Variants in MACROD2 observed in about 807,000 individuals in gnomAD.
MACROD2 encodes ADP-ribose glycohydrolase MACROD2.
A neutral mutation model predicts 70.4 loss-of-function variants in MACROD2; 36 were observed. The observed-to-expected ratio is 0.51, with a 90% confidence interval of 0.39 to 0.68. MACROD2 has a LOEUF of 0.68. Ranked by LOEUF, MACROD2 falls within the 30% of genes least tolerant of loss-of-function variation. The probability of loss-of-function intolerance (pLI) is 0.00; values close to 1 mark genes in which losing one functional copy is unlikely to be tolerated. For synonymous variants in MACROD2, 172 were observed against 178.8 expected (o/e 0.96, Z 0.30); for missense variants, 496 against 538.4 (o/e 0.92, Z 0.78).
At chr20:14,136,561 C>T (rs899906698) in intron 3 of MACROD2, among the ~76,000 whole-genome samples, 1 of 152,144 alleles carries the variant, frequency 6.6e-6, no homozygotes, top group African/African-American at 2.4e-5. Flanking sequence ...GGACCAGCAG[C>T]ATTAGCACCA....
chr20:14,613,250 A>G (rs1983280762), intron 4 of MACROD2, among the ~76,000 whole-genome samples: 1 of 152,156 alleles, frequency 6.6e-6, no homozygotes, highest in Admixed American at 6.5e-5. Context: ...AGAAATACAC[A>G]TATACAGTCA....
intron 15 of MACROD2, among the ~76,000 whole-genome samples, chr20:16,017,149 G>A (rs2066940623): frequency 6.6e-6 from 1 of 152,074 alleles, no homozygotes; most frequent in Non-Finnish European, 1.5e-5. Context: ...GTTTCTTTTT[G>A]TTTTCTGATA....
chr20:15,725,299 C>T (rs2050845035), intron 8 of MACROD2, among the ~76,000 whole-genome samples: 1 of 151,952 alleles, frequency 6.6e-6, no homozygotes, highest in African/African-American at 2.4e-5. Flanking sequence ...AACTCCTGTA[C>T]ATATTTTGTT....
intron 8 of MACROD2, among the ~76,000 whole-genome samples, chr20:15,631,876 G>A (rs575225279): frequency 1.7e-4 from 26 of 152,274 alleles, no homozygotes; most frequent in African/African-American, 5.8e-4. Flanking sequence ...GGTGGCTCAC[G>A]CCTGTAATCC....
At chr20:14,812,295 T>A (rs1311150638) in intron 5 of MACROD2, among the ~76,000 whole-genome samples, 2 of 151,950 alleles carry the variant, frequency 1.3e-5, no homozygotes, top group African/African-American at 4.8e-5. Flanking sequence ...CTGGAACCCA[T>A]CATTCTCAGC....
intron 2 of MACROD2, among the ~76,000 whole-genome samples, chr20:14,007,618 G>A (rs2052841422): frequency 1.3e-5 from 2 of 152,160 alleles, no homozygotes; most frequent in South Asian, 4.1e-4. Context: ...TAGAAAGATG[G>A]CATTACTTCT....
At chr20:15,176,047 G>A (rs1006901308) in intron 5 of MACROD2, among the ~76,000 whole-genome samples, 1 of 152,226 alleles carries the variant, frequency 6.6e-6, no homozygotes, top group Non-Finnish European at 1.5e-5. Flanking sequence ...GCAGAGCAAA[G>A]TTGTGGCTGA....
At position 15,153,600 on chromosome 20, in the gene MACROD2, A is replaced by C. The variant is rs926975726; in HGVS notation, c.419-76340A>C. Among the ~76,000 whole-genome samples, 4 of 152,200 alleles carry C rather than the reference A, an allele frequency of 2.6e-5. No homozygotes were observed. The South Asian group carries it at 8.3e-4, about 31-fold the overall frequency. ...TCATAGAACAATAAGATGATTCCAC[A>C]TGACAACATGGACCTGTCTCATAAG... On this transcript the variant is annotated intron_variant, in intron 5 of 17. Coordinates refer to ENST00000684519, the MANE Select transcript of MACROD2 (RefSeq NM_001351661.2).
rs758239545 is a variant in MACROD2, at chr20:15,138,996, A to G, written c.419-90944A>G. On this transcript the variant is annotated intron_variant, in intron 5 of 17. Coordinates refer to ENST00000684519, the MANE Select transcript of MACROD2 (RefSeq NM_001351661.2). ...ATAGAAGGAGTTGGCACGTATCAGA[A>G]TTGTACCGTAAAAGCACCCCTAAAG... 5.1e-4 allele frequency among the ~76,000 whole-genome samples: 78 copies of G among 152,160 alleles called. 2 individuals are homozygous for G. Among genetic ancestry groups the G allele is most frequent in the Non-Finnish European group, 8.8e-5 (6 of 68,020 alleles).
At chr20:16,020,559 C>T (rs2066987461) in intron 15 of MACROD2, among the ~76,000 whole-genome samples, 1 of 150,636 alleles carries the variant, frequency 6.6e-6, no homozygotes, top group East Asian at 1.9e-4. Context: ...ATGGTAGATG[C>T]TCAGCGAATG....
intron 2 of MACROD2, among the ~76,000 whole-genome samples, chr20:14,064,407 C>G (rs1450687921): frequency 6.6e-6 from 1 of 152,148 alleles, no homozygotes; most frequent in Non-Finnish European, 1.5e-5. Context: ...TACCTGAGTA[C>G]TCTGCAGGAA....
At chr20:14,783,965 A>G (rs6034040) in intron 5 of MACROD2, among the ~76,000 whole-genome samples, 14,644 of 152,070 alleles carry the variant, frequency 0.096, 1,092 homozygotes, top group African/African-American at 0.2. Context: ...GAGCAAAGTA[A>G]ATTCTTGAAG....
chr20:14,259,085 G>T (rs1372861271), intron 3 of MACROD2, among the ~76,000 whole-genome samples: 1 of 152,126 alleles, frequency 6.6e-6, no homozygotes. Context: ...TGGGATTACA[G>T]CCATGTACCA....
chr20:14,513,618 G>C (rs1215315795), intron 4 of MACROD2, among the ~76,000 whole-genome samples: 1 of 151,936 alleles, frequency 6.6e-6, no homozygotes, highest in Non-Finnish European at 1.5e-5. Context: ...TCCCAAGCAT[G>C]GTAAAGAAAT....
chr20:15,051,504 G>T (rs566854959), intron 5 of MACROD2, among the ~76,000 whole-genome samples: 2 of 152,114 alleles, frequency 1.3e-5, no homozygotes, highest in South Asian at 2.1e-4. Context: ...GGCCGAAGCC[G>T]CAGTCTACAC....
intron 6 of MACROD2, among the ~76,000 whole-genome samples, chr20:15,320,960 A>G (rs1024949347): frequency 6.6e-6 from 1 of 152,224 alleles, no homozygotes; most frequent in African/African-American, 2.4e-5. Context: ...TGGGTGAGGA[A>G]AAAAACAACT....
At chr20:15,222,459 T>G (rs1029277233) in intron 5 of MACROD2, among the ~76,000 whole-genome samples, 5 of 152,204 alleles carry the variant, frequency 3.3e-5, no homozygotes, top group Non-Finnish European at 5.9e-5. Context: ...GGTCATAGAT[T>G]GGTGGTGCTT....
At chr20:15,281,689 C>T (rs1025407804) in intron 6 of MACROD2, among the ~76,000 whole-genome samples, 7 of 152,334 alleles carry the variant, frequency 4.6e-5, no homozygotes, top group Admixed American at 4.6e-4. Context: ...CACCCAGCTG[C>T]TTTCATGGGC....
intron 10 of MACROD2, among the ~76,000 whole-genome samples, chr20:15,932,818 G>A (rs1425005165): frequency 1.3e-5 from 2 of 152,130 alleles, no homozygotes; most frequent in East Asian, 3.8e-4. Flanking sequence ...TTATAGCATA[G>A]GTATGTTAGA....
Sources: allele counts gnomAD v4.1 joint callset (sites outside exome capture counted in the v4.1 genomes callset), GRCh38; gene constraint gnomAD v4.1.1; transcripts MANE v1.5; gene names NCBI Gene and HGNC (gene_info 2026-07-23, HGNC 2026-07-21).